The following SIK2 variants were observed in gnomAD, a reference collection of about 807,000 sequenced individuals.
SIK2 encodes salt inducible kinase 2, also known as serine/threonine-protein kinase SIK2.
Under a neutral mutation model 103.2 loss-of-function variants are expected in SIK2, and 29 were observed. The ratio of observed to expected loss-of-function variants is 0.28; its 90% CI spans 0.21 to 0.38. SIK2 has a LOEUF of 0.38. Among genes scored for constraint, SIK2 ranks in the 10% least tolerant of loss-of-function variants. The pLI, the probability that SIK2 is intolerant of heterozygous loss-of-function variation, is 1.00. For synonymous variants in SIK2, 412 were observed against 446.1 expected (o/e 0.92, Z 0.96); for missense variants, 879 against 1,171.0 (o/e 0.75, Z 3.64).
At chr11:111,626,671 T>G (rs530850002) in intron 3 of SIK2, among the ~76,000 whole-genome samples, 59 of 134,032 alleles carry the variant, frequency 4.4e-4, no homozygotes, top group African/African-American at 1.3e-3. Flanking sequence ...ATGTTGCTTT[T>G]ATTTATTTTC....
rs377389173 is a variant in SIK2, at chr11:111,609,252, A to G, written c.135+6554A>G. 5.3e-5 allele frequency among the ~76,000 whole-genome samples: 8 copies of G among 152,250 alleles called. No individual in the cohort carries two copies. The East Asian group carries it at 1.3e-3, about 26-fold the overall frequency. ...AATTCTCAGTTTAATTTTTGTGAGT[A>G]TATAACTATCGGACCATTTACCTTT... On this transcript the variant is annotated intron_variant, in intron 1 of 14. Transcript: ENST00000304987.
chr11:111,662,967 T>C (rs1942487034), intron 3 of SIK2, among the ~76,000 whole-genome samples: 1 of 151,730 alleles, frequency 6.6e-6, no homozygotes, highest in Non-Finnish European at 1.5e-5. Flanking sequence ...GCACAGTGGC[T>C]CATACCTGTA....
chr11:111,691,591 T>C (rs1435190707), intron 4 of SIK2, among the ~76,000 whole-genome samples: 1 of 152,202 alleles, frequency 6.6e-6, no homozygotes, highest in Non-Finnish European at 1.5e-5. Context: ...AAAGGGGTAC[T>C]CACTAATTGA....
chr11:111,626,765 T>C (rs1358938398), intron 3 of SIK2, among the ~76,000 whole-genome samples: 1 of 151,842 alleles, frequency 6.6e-6, no homozygotes, highest in Admixed American at 6.6e-5. Flanking sequence ...CAGTTTTCAG[T>C]AGGATTAATG....
At chr11:111,667,967 A>G (rs1160602825) in intron 3 of SIK2, among the ~76,000 whole-genome samples, 3 of 152,224 alleles carry the variant, frequency 2.0e-5, no homozygotes, top group African/African-American at 7.2e-5. Flanking sequence ...TAGAAAATGT[A>G]GATTTTTTTT....
chr11:111,708,775 A>G (rs181527552), intron 8 of SIK2, among the ~76,000 whole-genome samples: 1 of 151,918 alleles, frequency 6.6e-6, no homozygotes, highest in Admixed American at 6.6e-5. Flanking sequence ...TTTTGTGGAG[A>G]TAGGGTCTTG....
At chr11:111,611,086 A>G (rs560821) in intron 1 of SIK2, among the ~76,000 whole-genome samples, 3,358 of 89,722 alleles carry the variant, frequency 0.037, 81 homozygotes, top group South Asian at 0.072. Flanking sequence ...TCTCGACCAA[A>G]TGTGTGTGTG....
intron 3 of SIK2, among the ~76,000 whole-genome samples, chr11:111,685,320 C>A (rs149163934): frequency 2.0e-5 from 3 of 152,324 alleles, no homozygotes; most frequent in Non-Finnish European, 2.9e-5. Context: ...CCTAACAGGC[C>A]ATGGACCAGT....
intron 3 of SIK2, among the ~76,000 whole-genome samples, chr11:111,638,448 G>T (rs1377730934): frequency 6.6e-6 from 1 of 152,104 alleles, no homozygotes; most frequent in East Asian, 1.9e-4. Flanking sequence ...CCAACTTCCA[G>T]TTTCTTGTGC....
Position 111,720,879 on chromosome 11 carries a change from G to A in SIK2, c.1781-20G>A. The A allele has an allele frequency of 6.2e-7, 1 of 1,611,874 alleles. No individual in the cohort carries two copies. The highest frequency in any genetic ancestry group is 2.2e-5 in the East Asian group (1 of 44,870). ...CCTTGTATTTTAGTTAAACTGTTTG[G>A]TCTTGGTGCTTTCTTTCAGGAATTG... On this transcript the variant is annotated intron_variant, in intron 11 of 14. Transcript: ENST00000304987.
intron 3 of SIK2, among the ~76,000 whole-genome samples, chr11:111,669,601 A>AAAAG (rs577018559): frequency 1.6e-4 from 25 of 151,940 alleles, no homozygotes; most frequent in Non-Finnish European, 3.2e-4. Flanking sequence ...AAAAGAAAAA[A>AAAAG]AAAGAAAGAA....
At chr11:111,609,887 A>G (rs1941697303) in intron 1 of SIK2, among the ~76,000 whole-genome samples, 1 of 152,204 alleles carries the variant, frequency 6.6e-6, no homozygotes, top group Non-Finnish European at 1.5e-5. Context: ...TTTAATTTCA[A>G]AGGTCTAATG....
intron 1 of SIK2, among the ~76,000 whole-genome samples, chr11:111,607,327 C>T (rs140170050): frequency 6.6e-6 from 1 of 152,232 alleles, no homozygotes; most frequent in African/African-American, 2.4e-5. Flanking sequence ...TAATTCTTTA[C>T]CACCTTAAAA....
rs150257133 is a variant in SIK2, at chr11:111,617,826, G to A, written c.252+1467G>A. ...ATATATACGTCACCATATGTGCCAT[G>A]TGTGTTTGTGTATGTGTGTGTGTGT... On this transcript the variant is annotated intron_variant, in intron 2 of 14. Coordinates refer to ENST00000304987, the MANE Select transcript of SIK2 (RefSeq NM_015191.3). Among the ~76,000 whole-genome samples, 409 of 151,378 alleles carry A rather than the reference G, an allele frequency of 2.7e-3. 2 individuals are homozygous for A. Among genetic ancestry groups the A allele is most frequent in the African/African-American group, 9.5e-3 (392 of 41,324 alleles).
At chr11:111,669,280 C>T (rs937472510) in intron 3 of SIK2, among the ~76,000 whole-genome samples, 7 of 152,152 alleles carry the variant, frequency 4.6e-5, no homozygotes, top group African/African-American at 1.7e-4. Flanking sequence ...TTATTTCTCT[C>T]AGAATCTAAG....
intron 9 of SIK2, among the ~76,000 whole-genome samples, chr11:111,713,773 C>T (rs531588821): frequency 2.6e-5 from 4 of 152,294 alleles, no homozygotes; most frequent in South Asian, 4.1e-4. Flanking sequence ...TCAAGACCAG[C>T]GTGGCCAACA....
In SIK2 at chr11:111,720,995, C is replaced by T. The variant is rs377735351; in HGVS notation, c.1877C>T (p.Pro626Leu). ...KVQLLYEQIG[P>L]EADPNLAPAA... ...CAGTTGTTGTATGAACAAATAGGAC[C>T]GGAGGCAGACCCTAACCTGGCGCCG... Residue 626 changes from proline (P) to leucine (L), a missense_variant, in exon 12 of 15, where the codon CCG becomes CTG. Pro to Leu is a moderately conservative substitution (Grantham distance 98). Around this residue, in one of 7 missense-constraint regions of SIK2, gnomAD observed 375 missense variants for 416.3 expected, o/e 0.90. Transcript: ENST00000304987. 7 of 1,613,990 alleles carry T rather than the reference C, an allele frequency of 4.3e-6. No homozygotes were observed. The highest frequency in any genetic ancestry group is 1.1e-5 in the South Asian group (1 of 91,068).
chr11:111,625,824 G>A (rs1941954053), intron 3 of SIK2, among the ~76,000 whole-genome samples: 2 of 152,194 alleles, frequency 1.3e-5, no homozygotes, highest in African/African-American at 2.4e-5. Context: ...GAGGTAGTAG[G>A]TAGAGGCAAT....
At chr11:111,622,231 T>C (rs1394767625) in intron 3 of SIK2, among the ~76,000 whole-genome samples, 1 of 149,794 alleles carries the variant, frequency 6.7e-6, no homozygotes, top group East Asian at 2.0e-4. Flanking sequence ...TTCTTTTGTC[T>C]GAAGGATTTT....
Sources: allele counts gnomAD v4.1 joint callset (sites outside exome capture counted in the v4.1 genomes callset), GRCh38; gene constraint gnomAD v4.1.1; regional missense constraint gnomAD v4.1.1; transcripts MANE v1.5; gene names NCBI Gene and HGNC (gene_info 2026-07-23, HGNC 2026-07-21).